The following KIF1A variants were observed in gnomAD, a reference collection of about 807,000 sequenced individuals.
KIF1A encodes the protein kinesin family member 1A.
Under a neutral mutation model 227.3 loss-of-function variants are expected in KIF1A, and 46 were observed. The observed-to-expected ratio is 0.20, with a 90% confidence interval of 0.16 to 0.26. KIF1A has a LOEUF of 0.26. Ranked by LOEUF, KIF1A falls within the 10% of genes least tolerant of loss-of-function variation. The pLI, the probability that KIF1A is intolerant of heterozygous loss-of-function variation, is 1.00. For synonymous variants in KIF1A, 1,022 were observed against 1,012.8 expected, an observed-to-expected ratio of 1.01 and a Z score of -0.17; for missense variants, 1,683 against 2,485.9, an observed-to-expected ratio of 0.68 and a Z score of 6.87.
At chr2:240,731,227 T>G (rs1362535274) in intron 38 of KIF1A, among the ~76,000 whole-genome samples, 2 of 152,084 alleles carry the variant, frequency 1.3e-5, no homozygotes, top group Non-Finnish European at 2.9e-5. Context: ...CACCAAGGAC[T>G]TAGACATAGG....
rs6708456 is a variant in KIF1A, at chr2:240,790,576, C to G, written c.107-1264G>C. On this transcript the variant is annotated intron_variant, in intron 2 of 48. Coordinates refer to ENST00000498729, the MANE Select transcript of KIF1A (RefSeq NM_001244008.2). The surrounding 1 kb of genome is among the most constrained non-coding windows in gnomAD (Gnocchi z 5.0). ...GTCCCCCTAATTTCATATTTTGAAG[C>G]CTTTACCCCCAGTATCTCAGAATGG... 1.1e-4 allele frequency among the ~76,000 whole-genome samples: 16 copies of G among 151,734 alleles called. No individual in the cohort carries two copies. Among genetic ancestry groups the G allele is most frequent in the East Asian group, 3.9e-4 (2 of 5,110 alleles).
Position 240,715,679 on chromosome 2 carries a change from C to T in KIF1A, c.*1685G>A, listed in dbSNP as rs3732340. 3.3e-5 allele frequency: 5 copies of T among 152,344 alleles called. No homozygotes were observed. The highest frequency in any genetic ancestry group is 6.5e-5 in the Admixed American group (1 of 15,270). 9.4% of individuals were successfully genotyped at this position (152,344 alleles called of 1,614,324 possible). A position where few individuals can be genotyped will look rare whatever the true frequency, so the allele number is the denominator to read the frequency against. On this transcript the variant is annotated 3_prime_UTR_variant, in exon 49 of 49. Transcript: ENST00000498729. ...GTGGTGTAGAAGGCCCGTGCTCCCC[C>T]ACTCCTGAGCCGCTGTCTCTCCCCC...
chr2:240,769,643 C>T lies in KIF1A; in HGVS notation c.1405G>A (p.Ala469Thr), dbSNP rs1330759717. The change falls in exon 16 of 49, where the codon GCC becomes ACC. Residue 469 changes from alanine to threonine, a missense_variant. Coordinates refer to ENST00000498729, the MANE Select transcript of KIF1A (RefSeq NM_001244008.2). ...TWEEKLRRTE[A>T]IRMEREALLA... The stretch of plus-strand genomic sequence containing the variant: ...GCTGCACACCTCTCCATCCGGATGG[C>T]TTCTGTCCGCCGCAGCTTCTCCTCC... The T allele has an allele frequency of 1.9e-6, 3 of 1,613,246 alleles. No homozygotes were observed. The highest frequency in any genetic ancestry group is 2.2e-5 in the East Asian group (1 of 44,884).
At chr2:240,733,329 G>A (rs2046968047) in intron 38 of KIF1A, among the ~76,000 whole-genome samples, 1 of 152,194 alleles carries the variant, frequency 6.6e-6, no homozygotes, top group South Asian at 2.1e-4. Context: ...GGACTAGCTA[G>A]CACGATGCCA....
At chr2:240,812,826 G>A in intron 1 of KIF1A, among the ~76,000 whole-genome samples, 1 of 149,054 alleles carries the variant, frequency 6.7e-6, no homozygotes, top group Middle Eastern at 3.7e-3. Context: ...TCACCTCAGG[G>A]ATCAGCCTTC....
chr2:240,791,767 C>G (rs998540166), intron 2 of KIF1A, among the ~76,000 whole-genome samples: 1 of 152,212 alleles, frequency 6.6e-6, no homozygotes, highest in Non-Finnish European at 1.5e-5. Context: ...GGACAGAGGG[C>G]AGCACAGGTG....
At chr2:240,780,410 C>T (rs1217252546) in intron 10 of KIF1A, among the ~76,000 whole-genome samples, 1 of 152,130 alleles carries the variant, frequency 6.6e-6, no homozygotes, top group African/African-American at 2.4e-5. Flanking sequence ...AGCGATTCCC[C>T]ACACACTTCC....
intron 23 of KIF1A, 65 bp from the exon 24 acceptor site, chr2:240,761,442 C>T: frequency 6.9e-7 from 1 of 1,458,500 alleles, no homozygotes; most frequent in Non-Finnish European, 9.1e-7. Context: ...ATGCCCCGCC[C>T]TCTGGAAGGT....
In KIF1A at chr2:240,790,745, G is replaced by A. The variant is rs2126107451; in HGVS notation, c.107-1433C>T. Among the ~76,000 whole-genome samples, 1 of 152,076 alleles carries A rather than the reference G, an allele frequency of 6.6e-6. No individual in the cohort carries two copies. Among genetic ancestry groups the A allele is most frequent in the South Asian group, 2.1e-4 (1 of 4,816 alleles). The stretch of plus-strand genomic sequence containing the variant: ...AGGGAGGGTGCCATGAGAACATGAG[G>A]GCAGAGATCAGGGTGATGACAAGCT... On this transcript the variant is annotated intron_variant, in intron 2 of 48. Transcript: ENST00000498729. The surrounding 1 kb of genome is among the most constrained non-coding windows in gnomAD (Gnocchi z 5.0).
At chr2:240,787,962 C>A in intron 4 of KIF1A, 89 bp downstream of exon 4, 1 of 1,275,636 alleles carries the variant, frequency 7.8e-7, no homozygotes, top group Admixed American at 2.1e-5. Flanking sequence ...CTGGGGGCTG[C>A]TCTCAGGGGT....
At chr2:240,760,888 G>A in intron 24 of KIF1A, 45 bp from the exon 25 acceptor site, 1 of 1,554,168 alleles carries the variant, frequency 6.4e-7, no homozygotes, top group Non-Finnish European at 8.7e-7. Context: ...TTGGGGGACA[G>A]GGTGCCAGGT....
rs1326654935 is a variant in KIF1A, at chr2:240,750,547, C to T, written c.2859G>A (p.Arg953=). The change falls in exon 28 of 49, where the codon AGG becomes AGA. Residue 953 remains arginine (R), a splice_region_variant and synonymous_variant. Transcript: ENST00000498729. ...DRPPLFSLVG[R]AFVYLSNLLY... ...GCAGGTTGCTCAGGTACACGAAGGC[C>T]CTGGGGAGAAGCAGAGGCGGCGGTC... 3 of 1,612,024 alleles carry T rather than the reference C, an allele frequency of 1.9e-6. No homozygotes were observed. The East Asian group carries it at 6.7e-5, about 36-fold the overall frequency.
At chr2:240,781,784 C>A in intron 10 of KIF1A, 2 of 985,336 alleles carry the variant, frequency 2.0e-6, no homozygotes, top group Non-Finnish European at 2.4e-6. Flanking sequence ...TCAGCTTCCT[C>A]GCCTGGCTCC....
Position 240,775,785 on chromosome 2 carries a change from G to A in KIF1A, c.958+66C>T. On this transcript the variant is annotated intron_variant, in intron 11 of 48. Transcript: ENST00000498729. The surrounding 1 kb of genome is among the most constrained non-coding windows in gnomAD (Gnocchi z 5.5). Reference sequence around the variant, plus strand: ...CTGGCGACTGGGCACCCCCTCAGTGGGGAAGAAGGGCACAGCCCAGGGTGG... The same window carrying A: ...CTGGCGACTGGGCACCCCCTCAGTGAGGAAGAAGGGCACAGCCCAGGGTGG... 9.1e-7 allele frequency: 1 copy of A among 1,100,424 alleles called. No individual in the cohort carries two copies. The highest frequency in any genetic ancestry group is 1.4e-6 in the Non-Finnish European group (1 of 713,284). The allele number at this position is 1,100,424 out of a possible 1,614,324, so 68.2% of individuals were successfully genotyped here. A position where few individuals can be genotyped will look rare whatever the true frequency, so the allele number is the denominator to read the frequency against.
rs1015431323 is a variant in KIF1A at position 240,758,027 on chromosome 2, C to G, written c.2582+333G>C. Among the ~76,000 whole-genome samples the G allele has an allele frequency of 1.3e-5, 2 of 152,240 alleles. No individual in the cohort carries two copies. The highest frequency in any genetic ancestry group is 3.8e-4 in the East Asian group (2 of 5,196). On this transcript the variant is annotated intron_variant, in intron 26 of 48. Coordinates refer to ENST00000498729, the MANE Select transcript of KIF1A (RefSeq NM_001244008.2). This position sits in a 1 kb window ranked among gnomAD's most constrained non-coding sequence, Gnocchi z 5.2. ...ACAGCCCTGCCTCCATGTTCCCACC[C>G]TCAGGACCAACAGGTGACCTGGAAA...
At position 240,807,118 on chromosome 2, in the gene KIF1A, G is replaced by GTA. The variant is rs372835508; in HGVS notation, c.-60-9307_-60-9306insTA. The stretch of plus-strand genomic sequence containing the variant: ...TGTGTGTGTGTGTGTGTGTGTGTGT[G>GTA]TGTGTGTGTGTGTATATATATATAT... On this transcript the variant is annotated intron_variant, in intron 1 of 48. Coordinates refer to ENST00000498729, the MANE Select transcript of KIF1A (RefSeq NM_001244008.2). Among the ~76,000 whole-genome samples, 131 of 135,638 alleles carry GTA rather than the reference G, an allele frequency of 9.7e-4. 1 individual carries two copies. Among genetic ancestry groups the GTA allele is most frequent in the Middle Eastern group, 3.8e-3 (1 of 264 alleles). 89.0% of individuals were successfully genotyped at this position (135,638 alleles called of 152,430 possible).
chr2:240,728,367 G>A (rs778610385), intron 38 of KIF1A: 27 of 1,293,196 alleles, frequency 2.1e-5, no homozygotes, highest in South Asian at 7.4e-5. Flanking sequence ...AAGCAAGGGC[G>A]GAAGAGAAAA....
chr2:240,768,935 C>T (rs918174371), intron 17 of KIF1A, among the ~76,000 whole-genome samples, 198 bp downstream of exon 17: 2 of 152,238 alleles, frequency 1.3e-5, no homozygotes, highest in Non-Finnish European at 2.9e-5. Flanking sequence ...CAGCATGCCC[C>T]ACCATGAGAA....
chr2:240,776,876 C>T, intron 10 of KIF1A, among the ~76,000 whole-genome samples: 1 of 152,218 alleles, frequency 6.6e-6, no homozygotes, highest in East Asian at 1.9e-4. Flanking sequence ...TTTGAAAGCT[C>T]TTGAGACTCC....
Sources: allele counts gnomAD v4.1 joint callset (sites outside exome capture counted in the v4.1 genomes callset), GRCh38; gene constraint gnomAD v4.1.1; non-coding constraint Gnocchi (gnomAD v3.1); transcripts MANE v1.5; gene names NCBI Gene and HGNC (gene_info 2026-07-23, HGNC 2026-07-21).